KLRG1: variants seen among roughly 807,000 people sequenced by gnomAD.
The protein encoded by KLRG1 is killer cell lectin-like receptor subfamily G member 1.
KLRG1 carries 16 observed loss-of-function variants against 21.8 expected under a neutral mutation model. The ratio of observed to expected loss-of-function variants is 0.73; its 90% confidence interval spans 0.50 to 1.11. The LOEUF is 1.11. Among genes scored for constraint, KLRG1 ranks in the 50% most tolerant of loss-of-function variants. The pLI is 0.00. For synonymous variants in KLRG1, 69 were observed against 75.9 expected (o/e 0.91, Z 0.47); for missense variants, 173 against 218.3 (o/e 0.79, Z 1.31).
the KLRG1 span, among the ~76,000 whole-genome samples, chr12:9,185,876 C>T: frequency 4.6e-4 from 68 of 147,096 alleles, no homozygotes; most frequent in Non-Finnish European, 7.9e-4. Context: ...GGCATGATCT[C>T]GGCTCACTGC....
the KLRG1 span, among the ~76,000 whole-genome samples, chr12:9,211,026 A>G: frequency 1.3e-5 from 2 of 152,212 alleles, no homozygotes. Context: ...AGATTGTTGT[A>G]TGAGAGGCAT....
chr12:9,009,898 C>T lies in KLRG1; in HGVS notation c.*361C>T, dbSNP rs2137453367. ...ATATTCTGAGCTAATCTGATAAAAT[C>T]TATGCCAATATATACTATTGCTTGT... On this transcript the variant is annotated 3_prime_UTR_variant, in exon 5 of 5. Coordinates refer to ENST00000356986, the MANE Select transcript of KLRG1 (RefSeq NM_005810.4). The T allele has an allele frequency of 6.6e-7, 1 of 1,511,800 alleles. No individual in the cohort carries two copies. Among genetic ancestry groups the T allele is most frequent in the African/African-American group, 1.4e-5 (1 of 72,122 alleles). 93.6% of individuals were successfully genotyped at this position (1,511,800 alleles called of 1,614,324 possible). A position where few individuals can be genotyped will look rare whatever the true frequency, so the allele number is the denominator to read the frequency against.
At chr12:9,041,459 T>C in the KLRG1 span, among the ~76,000 whole-genome samples, 91 of 152,358 alleles carry the variant, frequency 6.0e-4, no homozygotes, top group African/African-American at 2.1e-3. Flanking sequence ...GTGTCCTTGA[T>C]ACTGCTTCTC....
chr12:9,076,850 G>A, the KLRG1 span: 15 of 1,613,876 alleles, frequency 9.3e-6, no homozygotes, highest in Non-Finnish European at 1.3e-5. Flanking sequence ...GCAGTGCTTT[G>A]GTATATACAT....
chr12:9,079,794 A>G, the KLRG1 span: 3 of 1,610,764 alleles, frequency 1.9e-6, no homozygotes, highest in African/African-American at 4.0e-5. Context: ...TGTGTTTTGC[A>G]TGGCAGAGCC....
At chr12:9,060,065 C>A in the KLRG1 span, among the ~76,000 whole-genome samples, 5 of 123,444 alleles carry the variant, frequency 4.1e-5, no homozygotes, top group Admixed American at 1.1e-4. Flanking sequence ...AGTGCAGTGG[C>A]GTGATCTCGG....
chr12:9,132,676 T>C, the KLRG1 span, among the ~76,000 whole-genome samples: 5 of 125,676 alleles, frequency 4.0e-5, no homozygotes, highest in African/African-American at 9.3e-5. Context: ...GTGGGAAGAG[T>C]GAGAAAAAAT....
At chr12:9,201,927 T>C in the KLRG1 span, among the ~76,000 whole-genome samples, 7 of 152,102 alleles carry the variant, frequency 4.6e-5, no homozygotes, top group Non-Finnish European at 1.0e-4. Flanking sequence ...GTATCGAATA[T>C]ATAATAAAAT....
At chr12:9,138,572 T>C in the KLRG1 span, among the ~76,000 whole-genome samples, 4 of 152,018 alleles carry the variant, frequency 2.6e-5, no homozygotes, top group Non-Finnish European at 4.4e-5. Context: ...TTGAGACTGA[T>C]TGGCACTTTT....
At chr12:9,105,302 G>A in the KLRG1 span, among the ~76,000 whole-genome samples, 1 of 152,168 alleles carries the variant, frequency 6.6e-6, no homozygotes, top group Non-Finnish European at 1.5e-5. Flanking sequence ...TCTAGCTAGA[G>A]AGTCTTATGA....
chr12:9,121,568 AAAAG>A, the KLRG1 span, among the ~76,000 whole-genome samples: 7 of 152,270 alleles, frequency 4.6e-5, no homozygotes, highest in East Asian at 3.9e-4. The surrounding 1 kb of genome is among the most constrained non-coding windows in gnomAD (Gnocchi z 4.4). Context: ...AACAAAAACA[AAAAG>A]AAAGAAAGAA....
chr12:9,008,111 GT>G (rs895779859), intron 3 of KLRG1, among the ~76,000 whole-genome samples: 2 of 152,186 alleles, frequency 1.3e-5, no homozygotes, highest in African/African-American at 4.8e-5. Context: ...CTTAAGAACT[GT>G]TTTTTTCTTG....
chr12:9,201,021 T>C, the KLRG1 span: 1 of 1,614,096 alleles, frequency 6.2e-7, no homozygotes, highest in Middle Eastern at 1.6e-4. Context: ...GCTTCTAGCT[T>C]GAGACTCTGC....
the KLRG1 span, chr12:9,104,410 A>T: frequency 3.2e-6 from 5 of 1,573,458 alleles, no homozygotes; most frequent in Non-Finnish European, 4.3e-6. Context: ...CCTGAAGATT[A>T]AAAGCTGTGG....
the KLRG1 span, chr12:9,072,894 A>C: frequency 6.3e-7 from 1 of 1,599,620 alleles, no homozygotes; most frequent in East Asian, 2.2e-5. Flanking sequence ...GATGAGTGAG[A>C]GAACCCATTG....
the KLRG1 span, among the ~76,000 whole-genome samples, chr12:9,078,759 T>C: frequency 6.6e-6 from 1 of 152,234 alleles, no homozygotes; most frequent in Non-Finnish European, 1.5e-5. Context: ...CACATGCAGC[T>C]CTTACATGCA....
At chr12:9,122,272 T>C in the KLRG1 span, among the ~76,000 whole-genome samples, 3,593 of 152,194 alleles carry the variant, frequency 0.024, 153 homozygotes, top group African/African-American at 0.082. Context: ...AGAAAATAAG[T>C]GTATGCGTGT....
At chr12:9,035,847 A>G in the KLRG1 span, among the ~76,000 whole-genome samples, 2 of 152,242 alleles carry the variant, frequency 1.3e-5, no homozygotes. Flanking sequence ...CTTTGCAGCA[A>G]CATGGATGGA....
chr12:9,164,153 G>A, the KLRG1 span: 7 of 1,611,560 alleles, frequency 4.3e-6, no homozygotes. Flanking sequence ...AGGAGTCACT[G>A]TCCAAGACAA....
Sources: gnomAD v4.1 joint callset for allele counts (sites outside exome capture counted in the v4.1 genomes callset) on GRCh38, gnomAD v4.1.1 for gene constraint, Gnocchi (gnomAD v3.1) non-coding constraint, MANE v1.5 for transcripts, NCBI Gene and HGNC (gene_info 2026-07-23, HGNC 2026-07-21) for gene names.